The following ERG variants were observed in gnomAD, a reference collection of about 807,000 sequenced individuals.
ERG encodes the protein ETS transcription factor ERG, also known as transcriptional regulator ERG.
ERG carries 9 observed loss-of-function variants against 55.3 expected under a neutral mutation model. That is an observed-to-expected ratio of 0.16 (90% CI 0.10 to 0.28). ERG has a LOEUF of 0.28. Among genes scored for constraint, ERG ranks in the 10% least tolerant of loss-of-function variants. The pLI, the probability that ERG is intolerant of heterozygous loss-of-function variation, is 1.00. For synonymous variants in ERG, 223 were observed against 237.3 expected (o/e 0.94, Z 0.55); for missense variants, 434 against 631.6 (o/e 0.69, Z 3.35).
At chr21:38,404,140 G>T (rs1350345106) in intron 3 of ERG, among the ~76,000 whole-genome samples, 1 of 151,952 alleles carries the variant, frequency 6.6e-6, no homozygotes, top group Non-Finnish European at 1.5e-5. Flanking sequence ...ATATCAGGAA[G>T]GTGCTAATTA....
chr21:38,626,494 T>G (rs575441925), intron 1 of ERG, among the ~76,000 whole-genome samples: 28 of 152,298 alleles, frequency 1.8e-4, no homozygotes, highest in Admixed American at 1.8e-3. Context: ...CTTCAGACAC[T>G]GCAGCATTAC....
At chr21:38,476,230 AT>A (rs1250844651) in intron 1 of ERG, among the ~76,000 whole-genome samples, 2 of 152,018 alleles carry the variant, frequency 1.3e-5, no homozygotes, top group African/African-American at 4.8e-5. Context: ...AAAAAAAAAA[AT>A]CTTCAAAAGC....
intron 1 of ERG, among the ~76,000 whole-genome samples, chr21:38,468,187 T>G (rs1202214480): frequency 6.6e-6 from 1 of 152,152 alleles, no homozygotes; most frequent in Non-Finnish European, 1.5e-5. Flanking sequence ...GGTCGGCACC[T>G]TCCTCCCCAC....
intron 1 of ERG, among the ~76,000 whole-genome samples, chr21:38,635,468 C>T (rs2060382584): frequency 6.6e-6 from 1 of 151,798 alleles, no homozygotes; most frequent in Non-Finnish European, 1.5e-5. Flanking sequence ...CCAAAAAACA[C>T]CAGATATATG....
intron 2 of ERG, among the ~76,000 whole-genome samples, chr21:38,563,320 T>C (rs1003727067): frequency 1.3e-5 from 2 of 152,230 alleles, no homozygotes; most frequent in African/African-American, 4.8e-5. Context: ...TGTGTTGATG[T>C]AGGTTCAGCC....
At chr21:38,467,764 T>C (rs978315351) in intron 1 of ERG, among the ~76,000 whole-genome samples, 5 of 152,246 alleles carry the variant, frequency 3.3e-5, no homozygotes, top group Admixed American at 3.3e-4. Flanking sequence ...ACATAATAAA[T>C]TGGTGAATTC....
chr21:38,425,628 A>T (rs964395787), intron 2 of ERG, among the ~76,000 whole-genome samples: 1 of 152,134 alleles, frequency 6.6e-6, no homozygotes, highest in South Asian at 2.1e-4. Flanking sequence ...TTTTTTTCAT[A>T]TTCCTTGGAA....
chr21:38,543,510 A>ATATTCATTAT (rs2059768095), intron 2 of ERG, among the ~76,000 whole-genome samples: 1 of 152,140 alleles, frequency 6.6e-6, no homozygotes, highest in Non-Finnish European at 1.5e-5. Context: ...TTTTATAGCC[A>ATATTCATTAT]GGTAATTCAA....
chr21:38,397,382 G>A (rs899318224), intron 6 of ERG, among the ~76,000 whole-genome samples: 3 of 151,916 alleles, frequency 2.0e-5, no homozygotes, highest in Non-Finnish European at 2.9e-5. Flanking sequence ...GGCGGATCAC[G>A]AGGTCAAGAG....
chr21:38,449,972 T>C (rs891702442), intron 1 of ERG, among the ~76,000 whole-genome samples: 6 of 152,218 alleles, frequency 3.9e-5, no homozygotes, highest in Non-Finnish European at 5.9e-5. Flanking sequence ...CTCTCGAGAA[T>C]TGGATTATCA....
At chr21:38,640,459 G>A (rs1158525473) in intron 1 of ERG, among the ~76,000 whole-genome samples, 6 of 152,138 alleles carry the variant, frequency 3.9e-5, no homozygotes, top group Non-Finnish European at 7.4e-5. Flanking sequence ...TGTAGCTCCC[G>A]TAACTTCAAC....
chr21:38,396,840 G>A (rs1945346347), intron 6 of ERG, among the ~76,000 whole-genome samples: 1 of 152,110 alleles, frequency 6.6e-6, no homozygotes, highest in Non-Finnish European at 1.5e-5. Flanking sequence ...TGTAGAGGAG[G>A]TACAGAAAGG....
intron 1 of ERG, among the ~76,000 whole-genome samples, chr21:38,610,137 C>A (rs563739207): frequency 6.6e-6 from 1 of 152,184 alleles, no homozygotes; most frequent in Non-Finnish European, 1.5e-5. Context: ...AGCAACGCTG[C>A]GATCACTATT....
chr21:38,445,115 CCTTT>C (rs746904224), intron 2 of ERG, among the ~76,000 whole-genome samples: 78 of 151,112 alleles, frequency 5.2e-4, no homozygotes, highest in Non-Finnish European at 8.3e-4. Context: ...CGTTCAATGG[CCTTT>C]CTTTCTTTCT....
chr21:38,532,152 G>C (rs1395359261), intron 2 of ERG, among the ~76,000 whole-genome samples: 2 of 152,160 alleles, frequency 1.3e-5, no homozygotes, highest in Non-Finnish European at 2.9e-5. Flanking sequence ...AGGTAACAAA[G>C]GGTGAGACCC....
intron 1 of ERG, among the ~76,000 whole-genome samples, chr21:38,483,304 A>T (rs984961943): frequency 6.6e-6 from 1 of 152,196 alleles, no homozygotes; most frequent in African/African-American, 2.4e-5. Flanking sequence ...CCCACAAAAA[A>T]AGAATGTGTA....
At chr21:38,400,742 G>T in intron 5 of ERG, 97 bp from the exon 6 acceptor site, 1 of 910,768 alleles carries the variant, frequency 1.1e-6, no homozygotes, top group Non-Finnish European at 1.7e-6. Flanking sequence ...TGACAACAAA[G>T]GGAAGAGACC....
intron 1 of ERG, among the ~76,000 whole-genome samples, chr21:38,639,441 C>T (rs964525590): frequency 6.7e-6 from 1 of 150,192 alleles, no homozygotes; most frequent in Non-Finnish European, 1.5e-5. Context: ...GTTAAAGATG[C>T]CTTGAATAAA....
At chr21:38,452,733 G>C (rs2058953380) in intron 1 of ERG, among the ~76,000 whole-genome samples, 1 of 152,156 alleles carries the variant, frequency 6.6e-6, no homozygotes, top group Non-Finnish European at 1.5e-5. Flanking sequence ...CTTAGCTGGG[G>C]ATCCATCCCC....
Sources: allele counts gnomAD v4.1 joint callset (sites outside exome capture counted in the v4.1 genomes callset), GRCh38; gene constraint gnomAD v4.1.1; transcripts MANE v1.5; gene names NCBI Gene and HGNC (gene_info 2026-07-23, HGNC 2026-07-21).